ZNF878: variants seen among roughly 807,000 people sequenced by gnomAD.
ZNF878 encodes the protein zinc finger protein 878.
In ZNF878, 10 loss-of-function variants were observed where a neutral mutation model predicts 11.1. The observed-to-expected ratio is 0.90, with a 90% CI of 0.56 to 1.53. The LOEUF is 1.53. Ranked by LOEUF, ZNF878 falls within the 40% of genes most tolerant of loss-of-function variation. ZNF878 has a pLI of 0.00. For missense variants in ZNF878, 548 were observed against 626.1 expected (o/e 0.88, Z 1.33); for synonymous variants, 165 against 209.7 (o/e 0.79, Z 1.84).
intron 1 of ZNF878, among the ~76,000 whole-genome samples, chr19:12,051,099 A>G (rs1459086338): frequency 3.8e-5 from 5 of 131,820 alleles, no homozygotes; most frequent in Non-Finnish European, 7.5e-5. Flanking sequence ...CCGTCTCAAA[A>G]AAAAAAAAAA....
Position 12,052,917 on chromosome 19 carries a change from G to T in ZNF878, c.-116C>A, listed in dbSNP as rs1388205787. On this transcript the variant is annotated 5_prime_UTR_variant, in exon 1 of 4. Coordinates refer to ENST00000547628, the MANE Select transcript of ZNF878 (RefSeq NM_001080404.3). ...GCGGAAGTAACTGGTCCCTCTCGGA[G>T]CAAGAAAGCCCCAGACCTTAACTAG... 2 of 1,458,634 alleles carry T rather than the reference G, an allele frequency of 1.4e-6. No individual in the cohort carries two copies. The highest frequency in any genetic ancestry group is 2.5e-5 in the East Asian group (1 of 40,460). The allele number at this position is 1,458,634 out of a possible 1,614,324, so 90.4% of individuals were successfully genotyped here.
Position 12,052,898 on chromosome 19 carries a change from G to A in ZNF878, c.-97C>T. On this transcript the variant is annotated 5_prime_UTR_variant, in exon 1 of 4. Transcript: ENST00000547628. ...CAGAGCAACAGCAGCTACGGCGGAA[G>A]TAACTGGTCCCTCTCGGAGCAAGAA... 4 of 1,502,168 alleles carry A rather than the reference G, an allele frequency of 2.7e-6. No homozygotes were observed. The highest frequency in any genetic ancestry group is 2.7e-6 in the Non-Finnish European group (3 of 1,118,076). 93.1% of individuals were successfully genotyped at this position (1,502,168 alleles called of 1,614,324 possible). A position where few individuals can be genotyped will look rare whatever the true frequency, so the allele number is the denominator to read the frequency against.
chr19:12,049,496 G>A (rs950768929), intron 1 of ZNF878, among the ~76,000 whole-genome samples: 12 of 89,614 alleles, frequency 1.3e-4, no homozygotes, highest in African/African-American at 3.5e-4. Context: ...AACAGGCCGG[G>A]CACAGTGGCT....
intron 3 of ZNF878, chr19:12,046,080 A>G (rs11880710): frequency 0.11 from 37,546 of 348,756 alleles, 6,857 homozygotes; most frequent in African/African-American, 0.52. Context: ...TTGTCTGTTT[A>G]GTTTTGAGTC....
At chr19:12,046,107 G>T in intron 3 of ZNF878, 1 of 406,636 alleles carries the variant, frequency 2.5e-6, no homozygotes, top group African/African-American at 2.1e-5. Context: ...TCACCCTGTG[G>T]CCCAGGCTGC....
Position 12,045,110 on chromosome 19 carries a change from A to G in ZNF878, c.291T>C (p.Pro97=), listed in dbSNP as rs375074303. The change falls in exon 4 of 4, where the codon CCT becomes CCC. Residue 97 remains proline, a synonymous_variant. Coordinates refer to ENST00000547628, the MANE Select transcript of ZNF878 (RefSeq NM_001080404.3). ...CACTGCTTTCATATGATTGTACTCC[A>G]GGAGTTTTCTTCTTCAGTGTGTCAT... ...VPDDTLKKKT[P]GVQSYESSVC... 15 of 1,613,330 alleles carry G rather than the reference A, an allele frequency of 9.3e-6. No homozygotes were observed. The South Asian group carries it at 1.6e-4, about 18-fold the overall frequency.
intron 1 of ZNF878, among the ~76,000 whole-genome samples, chr19:12,049,922 A>G (rs1224283435): frequency 1.3e-5 from 2 of 151,920 alleles, no homozygotes; most frequent in Non-Finnish European, 2.9e-5. Context: ...CATGGCATCC[A>G]ATTTTAAAAC....
chr19:12,044,716 A>T lies in ZNF878; in HGVS notation c.685T>A (p.Cys229Ser). ...AAAAAGGCTTTCCCACATATGTTACATTTATGAGGTCTCTCTCCAGTGTGC... is the reference window on the plus strand; with the variant it reads ...AAAAAGGCTTTCCCACATATGTTACTTTTATGAGGTCTCTCTCCAGTGTGC... ...RMHTGERPHK[C>S]NICGKAFFSP... is the part of the protein sequence containing the mutation. Residue 229 changes from cysteine (C) to serine (S), a missense_variant, in exon 4 of 4, where the codon TGT (cysteine) becomes AGT (serine). By Grantham distance (112) the Cys-to-Ser change is moderately radical. Around this residue, in one of 3 missense-constraint regions of ZNF878, gnomAD observed 335 missense variants for 358.2 expected, o/e 0.94. Coordinates refer to ENST00000547628, the MANE Select transcript of ZNF878 (RefSeq NM_001080404.3). 6.2e-7 allele frequency: 1 copy of T among 1,614,142 alleles called. No individual in the cohort carries two copies. The highest frequency in any genetic ancestry group is 1.1e-5 in the South Asian group (1 of 91,076).
At chr19:12,047,337 G>A (rs1048611505) in intron 1 of ZNF878, among the ~76,000 whole-genome samples, 10 of 152,206 alleles carry the variant, frequency 6.6e-5, no homozygotes, top group African/African-American at 2.4e-4. Flanking sequence ...GTGAAGGCGG[G>A]CGGATCGCCT....
chr19:12,051,897 G>A (rs7246419), intron 1 of ZNF878, among the ~76,000 whole-genome samples: 14,678 of 152,188 alleles, frequency 0.096, 1,401 homozygotes, highest in African/African-American at 0.25. Flanking sequence ...GACGGAGCGA[G>A]ACTCCGTCTC....
chr19:12,044,747 CAT>C lies in ZNF878; in HGVS notation c.652_653del (p.Met218GlufsTer10), dbSNP rs780493877. ...GAGGTCTCTCTCCAGTGTGCATTCT[CAT>C]GTGTGTCTGAAAGCTTACAAGATAA... Reference protein sequence around the residue: ...LSYLVSFQTHMRMHTGERPHK... With the variant: ...LSYLVSFQTHXRMHTGERPHK... On this transcript the variant is annotated frameshift_variant, in exon 4 of 4. Coordinates refer to ENST00000547628, the MANE Select transcript of ZNF878 (RefSeq NM_001080404.3). LOFTEE classifies it low-confidence loss of function (END_TRUNC). 1 of 1,614,182 alleles carries C rather than the reference CAT, an allele frequency of 6.2e-7. No individual in the cohort carries two copies. Among genetic ancestry groups the C allele is most frequent in the Non-Finnish European group, 8.5e-7 (1 of 1,180,046 alleles).
intron 1 of ZNF878, among the ~76,000 whole-genome samples, chr19:12,049,399 T>C (rs1172005668): frequency 1.7e-5 from 2 of 118,294 alleles, no homozygotes; most frequent in African/African-American, 6.7e-5. Flanking sequence ...AGATAGAAGT[T>C]GTAGTGAGCA....
In ZNF878 at chr19:12,043,994, A is replaced by G. The variant is rs1975425451; in HGVS notation, c.1407T>C (p.His469=). 1.2e-6 allele frequency: 2 copies of G among 1,610,552 alleles called. No individual in the cohort carries two copies. Among genetic ancestry groups the G allele is most frequent in the African/African-American group, 2.7e-5 (2 of 74,802 alleles). The change falls in exon 4 of 4, where the codon CAT becomes CAC. Residue 469 remains histidine, a synonymous_variant. Transcript: ENST00000547628. ...GTTTCTCTCCAGTGTGAGTCCTTTT[A>G]TGATAGCGAATAGAATTAGAAGAAA... is the stretch of plus-strand genomic sequence containing the variant. ...AFISSNSIRY[H]KRTHTGEKPY... is the part of the protein sequence containing the mutation.
At position 12,049,288 on chromosome 19, in the gene ZNF878, C is replaced by T. The variant is rs541762563; in HGVS notation, c.4-2528G>A. 3.3e-5 allele frequency among the ~76,000 whole-genome samples: 5 copies of T among 151,016 alleles called. No individual in the cohort carries two copies. The South Asian group carries it at 1.0e-3, about 32-fold the overall frequency. ...CCAGCTCAGCCAAAGTGGTGAAACC[C>T]CATCTCTACTAAAAATACAAAAATT... On this transcript the variant is annotated intron_variant, in intron 1 of 3. Transcript: ENST00000547628.
chr19:12,049,572 C>G (rs1016195815), intron 1 of ZNF878, among the ~76,000 whole-genome samples: 3 of 150,414 alleles, frequency 2.0e-5, no homozygotes, highest in Non-Finnish European at 4.4e-5. Context: ...GAGTTCAAGA[C>G]CAGCTTGGCC....
At chr19:12,049,429 C>G (rs1011811959) in intron 1 of ZNF878, among the ~76,000 whole-genome samples, 1 of 120,990 alleles carries the variant, frequency 8.3e-6, no homozygotes, top group Non-Finnish European at 1.6e-5. Context: ...TCACTGCACT[C>G]CAGCCTGAGC....
At chr19:12,048,509 C>A (rs577101740) in intron 1 of ZNF878, among the ~76,000 whole-genome samples, 1 of 147,894 alleles carries the variant, frequency 6.8e-6, no homozygotes, top group Non-Finnish European at 1.5e-5. Flanking sequence ...CTGAACGAGA[C>A]TCCATCTCAA....
chr19:12,046,878 C>T (rs1243806824), intron 1 of ZNF878, 118 bp from the exon 2 acceptor site: 2 of 1,441,340 alleles, frequency 1.4e-6, no homozygotes, highest in Non-Finnish European at 1.9e-6. Flanking sequence ...ACATTTATTC[C>T]ATGACTTGGT....
chr19:12,050,743 A>C (rs113455891), intron 1 of ZNF878, among the ~76,000 whole-genome samples: 1 of 152,174 alleles, frequency 6.6e-6, no homozygotes, highest in Admixed American at 6.5e-5. Flanking sequence ...CAAAGACTTC[A>C]TGGCCATCAC....
Sources: gnomAD v4.1 joint callset for allele counts (sites outside exome capture counted in the v4.1 genomes callset) on GRCh38, gnomAD v4.1.1 for gene constraint, gnomAD v4.1.1 regional missense constraint, MANE v1.5 for transcripts, NCBI Gene and HGNC (gene_info 2026-07-23, HGNC 2026-07-21) for gene names.